Variants in NREP observed in about 807,000 individuals in gnomAD.
NREP encodes neuronal regeneration-related protein.
In NREP, 5 loss-of-function variants were observed where a neutral mutation model predicts 8.6. The observed-to-expected ratio is 0.58, with a 90% confidence interval of 0.30 to 1.22. The LOEUF (loss-of-function observed/expected upper bound fraction) is 1.22. NREP is among the 50% of genes most tolerant of loss of function. The pLI is 0.07. For synonymous variants in NREP, 27 were observed against 28.0 expected (o/e 0.96, Z 0.11); for missense variants, 86 against 82.5 (o/e 1.04, Z -0.17).
intron 2 of NREP, among the ~76,000 whole-genome samples, chr5:111,829,502 C>G (rs1351193958): frequency 1.3e-5 from 2 of 152,216 alleles, no homozygotes; most frequent in Non-Finnish European, 2.9e-5. Context: ...TCTTCCCAAT[C>G]TGCACCCACA....
rs3223253 is a variant in NREP, at chr5:111,809,870, CGTGTGTGTGTGTGTGT to C, written c.136-74379_136-74364del. ...ACCACCTCATTGACTGGGACTTTGG[CGTGTGTGTGTGTGTGT>C]GTGTGTGTGTGTGTGTGTGTGTGTG... is the stretch of plus-strand genomic sequence containing the variant. On this transcript the variant is annotated intron_variant, in intron 2 of 3. Coordinates refer to the NREP transcript ENST00000395634. 7.6e-5 allele frequency among the ~76,000 whole-genome samples: 11 copies of C among 144,206 alleles called. No homozygotes were observed. The South Asian group carries it at 1.8e-3, about 23-fold the overall frequency. 94.6% of individuals were successfully genotyped at this position (144,206 alleles called of 152,430 possible). A position where few individuals can be genotyped will look rare whatever the true frequency, so the allele number is the denominator to read the frequency against.
At chr5:111,938,406 T>C (rs1361632549) in intron 2 of NREP, among the ~76,000 whole-genome samples, 1 of 152,156 alleles carries the variant, frequency 6.6e-6, no homozygotes, top group Non-Finnish European at 1.5e-5. Context: ...TTTATTTTAT[T>C]TCATGATAAG....
At chr5:111,842,017 G>A (rs1753042319) in intron 2 of NREP, among the ~76,000 whole-genome samples, 1 of 152,032 alleles carries the variant, frequency 6.6e-6, no homozygotes, top group South Asian at 2.1e-4. Flanking sequence ...ATGAAACATT[G>A]CTGTTGAGTG....
At chr5:111,793,398 A>G (rs560380676) in intron 2 of NREP, among the ~76,000 whole-genome samples, 2 of 152,244 alleles carry the variant, frequency 1.3e-5, no homozygotes, top group South Asian at 2.1e-4. Flanking sequence ...CTGGAGTCCA[A>G]AGGCCTGGGA....
intron 2 of NREP, among the ~76,000 whole-genome samples, chr5:111,910,831 G>C (rs987916067): frequency 6.6e-6 from 1 of 152,056 alleles, no homozygotes; most frequent in Non-Finnish European, 1.5e-5. Flanking sequence ...TAAAGCAAAA[G>C]TTTCAAAATA....
chr5:111,933,647 T>C (rs910146992), intron 2 of NREP, among the ~76,000 whole-genome samples: 1 of 152,092 alleles, frequency 6.6e-6, no homozygotes, highest in Non-Finnish European at 1.5e-5. Context: ...TTTTCCCTGA[T>C]ATGAGGGATT....
intron 2 of NREP, among the ~76,000 whole-genome samples, chr5:111,867,001 G>C (rs959293588): frequency 7.9e-5 from 12 of 151,588 alleles, no homozygotes; most frequent in African/African-American, 2.9e-4. Context: ...GTTGTGGGGT[G>C]GGGGGAAGGG....
At chr5:111,799,592 T>G (rs187296648) in intron 2 of NREP, among the ~76,000 whole-genome samples, 1 of 152,256 alleles carries the variant, frequency 6.6e-6, no homozygotes, top group African/African-American at 2.4e-5. Flanking sequence ...ATGCTTTTAA[T>G]CTGCTGTTGT....
chr5:111,902,007 A>G lies in NREP; in HGVS notation c.135+73267T>C, dbSNP rs191945082. Among the ~76,000 whole-genome samples, 145 of 152,316 alleles carry G rather than the reference A, an allele frequency of 9.5e-4. 1 individual carries two copies. The highest frequency in any genetic ancestry group is 1.4e-3 in the Non-Finnish European group (92 of 68,020). ...AAATAGTCACAGTAATACTGAGCAGAAAGAACAAATGTGGAGGCACCACAC... is the reference window on the plus strand; with the variant it reads ...AAATAGTCACAGTAATACTGAGCAGGAAGAACAAATGTGGAGGCACCACAC... On this transcript the variant is annotated intron_variant, in intron 2 of 3. Coordinates refer to the NREP transcript ENST00000395634.
Position 111,777,057 on chromosome 5 carries a change from A to G in NREP, c.136-41550T>C, listed in dbSNP as rs193289951. On this transcript the variant is annotated intron_variant, in intron 2 of 3. Coordinates refer to the NREP transcript ENST00000395634. ...GAGGTGGAGGAGGAGGAGGAGGAAG[A>G]AGAGGAGAGCAGCTATATATGTACC... 6.2e-4 allele frequency among the ~76,000 whole-genome samples: 94 copies of G among 151,372 alleles called. 1 individual carries two copies. Among genetic ancestry groups the G allele is most frequent in the African/African-American group, 1.9e-3 (80 of 41,228 alleles).
At position 111,937,795 on chromosome 5, in the gene NREP, T is replaced by G. The variant is rs553363578; in HGVS notation, c.135+37479A>C. On this transcript the variant is annotated intron_variant, in intron 2 of 3. Transcript: ENST00000395634. ...CCTGTCCCACCAGGTAACTCAGCAT[T>G]TGAGTGGGCAGCAGCCTGTCACCCA... Among the ~76,000 whole-genome samples the G allele has an allele frequency of 5.9e-5, 9 of 152,076 alleles. 1 individual carries two copies. The South Asian group carries it at 1.7e-3, about 28-fold the overall frequency.
intron 2 of NREP, among the ~76,000 whole-genome samples, chr5:111,857,307 C>G (rs921881355): frequency 2.0e-5 from 3 of 152,178 alleles, no homozygotes; most frequent in African/African-American, 7.2e-5. Flanking sequence ...CTGTGTAGTA[C>G]GGGCTTTACT....
At chr5:111,755,976 C>T in intron 1 of NREP, 146 bp from the exon 2 acceptor site, 1 of 1,432,832 alleles carries the variant, frequency 7.0e-7, no homozygotes, top group South Asian at 1.5e-5. Context: ...ACTGGGATTT[C>T]TGAAAGAGCT....
intron 2 of NREP, among the ~76,000 whole-genome samples, chr5:111,887,929 C>T (rs964493827): frequency 2.9e-4 from 44 of 152,134 alleles, no homozygotes; most frequent in East Asian, 3.8e-4. Flanking sequence ...CCCAGAGGTA[C>T]CTTGTTACAG....
intron 2 of NREP, among the ~76,000 whole-genome samples, chr5:111,832,394 G>A (rs1041185241): frequency 3.9e-5 from 6 of 151,990 alleles, no homozygotes; most frequent in African/African-American, 1.5e-4. Context: ...ATTAGCTGGG[G>A]GTGGCATGAG....
At chr5:111,786,863 A>C (rs950657635) in intron 2 of NREP, among the ~76,000 whole-genome samples, 5 of 152,188 alleles carry the variant, frequency 3.3e-5, no homozygotes, top group Non-Finnish European at 2.9e-5. Context: ...ACAGTAAAGA[A>C]GGGCATGAAT....
At chr5:111,961,041 T>C (rs765837905) in intron 2 of NREP, among the ~76,000 whole-genome samples, 1 of 152,236 alleles carries the variant, frequency 6.6e-6, no homozygotes, top group Non-Finnish European at 1.5e-5. Flanking sequence ...TTTCTGCCCA[T>C]TGACAAATTA....
chr5:111,916,894 A>G (rs1354577296), intron 2 of NREP, among the ~76,000 whole-genome samples: 1 of 152,108 alleles, frequency 6.6e-6, no homozygotes, highest in Non-Finnish European at 1.5e-5. Context: ...CATGAGGCAG[A>G]TAAAGAGACA....
At chr5:111,973,439 G>A (rs1002142607) in intron 2 of NREP, among the ~76,000 whole-genome samples, 1 of 152,148 alleles carries the variant, frequency 6.6e-6, no homozygotes, top group Non-Finnish European at 1.5e-5. Context: ...CAATACAGAT[G>A]CCAGTCATTT....
Sources: allele counts gnomAD v4.1 joint callset (sites outside exome capture counted in the v4.1 genomes callset), GRCh38; gene constraint gnomAD v4.1.1; transcripts MANE v1.5; gene names NCBI Gene and HGNC (gene_info 2026-07-23, HGNC 2026-07-21).